The following ZNF280D variants were observed in gnomAD, a reference collection of about 807,000 sequenced individuals.
ZNF280D encodes suppressor of hairy wing homolog 4.
A neutral mutation model predicts 94.7 loss-of-function variants in ZNF280D; 39 were observed. The observed-to-expected ratio is 0.41, with a 90% CI of 0.32 to 0.54. The LOEUF (loss-of-function observed/expected upper bound fraction) is 0.54, where lower values mean the gene tolerates loss of function less well. Ranked by LOEUF, ZNF280D falls within the 20% of genes least tolerant of loss-of-function variation. ZNF280D has a pLI of 0.22. For synonymous variants in ZNF280D, 398 were observed against 377.6 expected (o/e 1.05, Z -0.63); for missense variants, 1,090 against 1,149.3 (o/e 0.95, Z 0.75).
chr15:56,710,521 A>G (rs958441773), intron 1 of ZNF280D, among the ~76,000 whole-genome samples: 3 of 152,154 alleles, frequency 2.0e-5, no homozygotes, highest in African/African-American at 7.2e-5. Flanking sequence ...TGCATGGGGG[A>G]AAAATGAATT....
intron 7 of ZNF280D, among the ~76,000 whole-genome samples, chr15:56,690,036 G>A (rs552897585): frequency 8.5e-5 from 13 of 152,144 alleles, no homozygotes; most frequent in African/African-American, 1.9e-4. Flanking sequence ...TCATCGCTAC[G>A]CAGAAAGTGG....
intron 19 of ZNF280D, among the ~76,000 whole-genome samples, chr15:56,650,461 C>A (rs1471944658): frequency 1.3e-5 from 2 of 152,062 alleles, no homozygotes; most frequent in Non-Finnish European, 2.9e-5. Flanking sequence ...CAGCTGGGTC[C>A]TTTAACTCTA....
intron 13 of ZNF280D, among the ~76,000 whole-genome samples, chr15:56,676,134 A>G (rs1385414705): frequency 2.0e-5 from 3 of 152,202 alleles, no homozygotes; most frequent in Non-Finnish European, 4.4e-5. Context: ...GAGTTCATAT[A>G]CTGATCAGTA....
chr15:56,635,753 T>G (rs1442642208), intron 20 of ZNF280D: 4 of 152,158 alleles, frequency 2.6e-5, no homozygotes, highest in African/African-American at 9.7e-5. Context: ...TAAGAAACAT[T>G]CTACTTATTT....
intron 7 of ZNF280D, among the ~76,000 whole-genome samples, chr15:56,690,094 A>C (rs1203268482): frequency 6.6e-6 from 1 of 152,148 alleles, no homozygotes; most frequent in East Asian, 1.9e-4. Flanking sequence ...ATATGAAAGG[A>C]CACATAGGCC....
chr15:56,636,238 CT>C (rs1262437855), intron 20 of ZNF280D, among the ~76,000 whole-genome samples: 3 of 152,216 alleles, frequency 2.0e-5, no homozygotes, highest in African/African-American at 7.2e-5. Context: ...AGAGTGGTTA[CT>C]GATTTAGCAG....
intron 4 of ZNF280D, among the ~76,000 whole-genome samples, chr15:56,701,687 C>A (rs886767034): frequency 6.6e-6 from 1 of 151,962 alleles, no homozygotes; most frequent in African/African-American, 2.4e-5. Context: ...CTTGCCCAAC[C>A]TCTACACTGC....
intron 1 of ZNF280D, among the ~76,000 whole-genome samples, chr15:56,712,840 A>C (rs917816032): frequency 1.3e-5 from 2 of 149,878 alleles, no homozygotes; most frequent in Non-Finnish European, 3.0e-5. Context: ...TTCCAGGTTC[A>C]AGTGATTCTC....
chr15:56,659,550 AC>A (rs1337183667), intron 16 of ZNF280D, among the ~76,000 whole-genome samples: 4 of 151,938 alleles, frequency 2.6e-5, no homozygotes, highest in African/African-American at 4.8e-5. Context: ...TTATAAATAA[AC>A]CTTTATTATA....
rs1239559263 is a variant in ZNF280D, at chr15:56,631,339, T to G, written c.*159A>C. ...AATCATGCTATTATTGGTGAATTGA[T>G]TTGTTTGATAACATAGGTTGAACAT... On this transcript the variant is annotated 3_prime_UTR_variant, in exon 22 of 22. Coordinates refer to ENST00000267807, the MANE Select transcript of ZNF280D (RefSeq NM_017661.4). The G allele has an allele frequency of 1.4e-6, 1 of 735,518 alleles. No homozygotes were observed. The highest frequency in any genetic ancestry group is 2.2e-6 in the Non-Finnish European group (1 of 461,044). The allele number at this position is 735,518 out of a possible 1,614,324, so 45.6% of individuals were successfully genotyped here.
intron 1 of ZNF280D, among the ~76,000 whole-genome samples, chr15:56,710,489 T>A (rs1240308569): frequency 6.6e-6 from 1 of 151,644 alleles, no homozygotes; most frequent in African/African-American, 2.4e-5. Flanking sequence ...ACAGATTACA[T>A]GCCCATATTT....
intron 19 of ZNF280D, among the ~76,000 whole-genome samples, chr15:56,644,295 C>T (rs1399743671): frequency 6.6e-6 from 1 of 151,896 alleles, no homozygotes; most frequent in Non-Finnish European, 1.5e-5. Flanking sequence ...TTTAATTGTG[C>T]ACAATACTTA....
At chr15:56,648,132 C>T (rs766297326) in intron 19 of ZNF280D, among the ~76,000 whole-genome samples, 4 of 152,108 alleles carry the variant, frequency 2.6e-5, no homozygotes, top group Non-Finnish European at 5.9e-5. Context: ...CTCCTGTGAA[C>T]CAGGCTCCCT....
intron 4 of ZNF280D, among the ~76,000 whole-genome samples, chr15:56,703,859 A>AATAC (rs2057237830): frequency 4.2e-4 from 1 of 2,374 alleles, no homozygotes; most frequent in Admixed American, 0.013. Flanking sequence ...TCTCAAAATA[A>AATAC]ATAAATAAAT....
chr15:56,683,506 T>C (rs993484733), intron 9 of ZNF280D, among the ~76,000 whole-genome samples: 4 of 152,190 alleles, frequency 2.6e-5, no homozygotes, highest in African/African-American at 9.6e-5. Context: ...CCCTTATTTT[T>C]GTGGGTTAAA....
At chr15:56,718,251 G>A (rs1255110036) in intron 1 of ZNF280D, among the ~76,000 whole-genome samples, 7 of 148,662 alleles carry the variant, frequency 4.7e-5, no homozygotes, top group Non-Finnish European at 9.1e-5. Context: ...GAATGAAGCA[G>A]TTAGGTTGAA....
At chr15:56,684,439 C>A (rs189341638) in intron 9 of ZNF280D, among the ~76,000 whole-genome samples, 9 of 151,980 alleles carry the variant, frequency 5.9e-5, no homozygotes, top group Non-Finnish European at 1.3e-4. Flanking sequence ...AAGCAACTGC[C>A]TCTATTTGGA....
At chr15:56,686,886 G>C (rs1264781755) in intron 9 of ZNF280D, among the ~76,000 whole-genome samples, 2 of 151,998 alleles carry the variant, frequency 1.3e-5, no homozygotes, top group East Asian at 1.9e-4. Context: ...TTAAAGCTTA[G>C]TACTGTGTCT....
Position 56,642,978 on chromosome 15 carries a change from C to T in ZNF280D, c.2233G>A (p.Ala745Thr), listed in dbSNP as rs998829892. ...TTAGACACAGGTTCTTGTTCCTTTG[C>T]GGGAGCTTCTTTTTTTAATCTTGAA... ...HLSELKKEAP[A>T]KEQEPVSKEI... Residue 745 changes from alanine to threonine, a missense_variant, in exon 20 of 22, where the codon GCA (alanine) becomes ACA (threonine). Transcript: ENST00000267807. 8.0e-6 allele frequency: 12 copies of T among 1,503,490 alleles called. No individual in the cohort carries two copies. The highest frequency in any genetic ancestry group is 1.8e-4 in the Middle Eastern group (1 of 5,528). 93.1% of individuals were successfully genotyped at this position (1,503,490 alleles called of 1,614,324 possible). A position where few individuals can be genotyped will look rare whatever the true frequency, so the allele number is the denominator to read the frequency against.
Sources: gnomAD v4.1 joint callset for allele counts (sites outside exome capture counted in the v4.1 genomes callset) on GRCh38, gnomAD v4.1.1 for gene constraint, MANE v1.5 for transcripts, NCBI Gene and HGNC (gene_info 2026-07-23, HGNC 2026-07-21) for gene names.